The following BMP6 variants were observed in gnomAD, a reference collection of about 807,000 sequenced individuals.
BMP6 encodes the protein bone morphogenetic protein 6, also known as VG-1-R.
In BMP6, 17 loss-of-function variants were observed where a neutral mutation model predicts 54.1. That is an observed-to-expected ratio of 0.31 (90% CI 0.22 to 0.47). The LOEUF (loss-of-function observed/expected upper bound fraction) is 0.47. Ranked by LOEUF, BMP6 falls within the 20% of genes least tolerant of loss-of-function variation. The pLI is 1.00. For missense variants in BMP6, 720 were observed against 690.4 expected, an observed-to-expected ratio of 1.04 and a Z score of -0.48; for synonymous variants, 328 against 291.2, an observed-to-expected ratio of 1.13 and a Z score of -1.28.
chr6:7,824,044 GT>G (rs1356014985), intron 1 of BMP6, among the ~76,000 whole-genome samples: 1 of 152,214 alleles, frequency 6.6e-6, no homozygotes, highest in Non-Finnish European at 1.5e-5. Flanking sequence ...TTAGGTGGCT[GT>G]TGCAGTGGTT....
At chr6:7,729,719 G>A (rs1761817437) in intron 1 of BMP6, among the ~76,000 whole-genome samples, 1 of 152,200 alleles carries the variant, frequency 6.6e-6, no homozygotes, top group Non-Finnish European at 1.5e-5. Flanking sequence ...GTCCCAGTAA[G>A]AGATGAAGAG....
intron 2 of BMP6, among the ~76,000 whole-genome samples, chr6:7,858,208 C>T (rs888252178): frequency 6.6e-5 from 10 of 152,258 alleles, no homozygotes; most frequent in Non-Finnish European, 1.3e-4. Flanking sequence ...CTCAGCTTCC[C>T]GAGTAGTTGG....
chr6:7,872,887 A>T (rs749172820), intron 4 of BMP6, among the ~76,000 whole-genome samples: 1 of 144,850 alleles, frequency 6.9e-6, no homozygotes, highest in Admixed American at 7.2e-5. Flanking sequence ...ATCAGGGCTC[A>T]TTGCAGCTTC....
chr6:7,766,550 C>G (rs1178710917), intron 1 of BMP6, among the ~76,000 whole-genome samples: 1 of 152,044 alleles, frequency 6.6e-6, no homozygotes, highest in African/African-American at 2.4e-5. Flanking sequence ...CCTGGAAGAT[C>G]AAGGCTGCAG....
At chr6:7,788,507 G>A (rs1323204727) in intron 1 of BMP6, among the ~76,000 whole-genome samples, 5 of 152,120 alleles carry the variant, frequency 3.3e-5, no homozygotes, top group Admixed American at 1.3e-4. Flanking sequence ...TTTTTATGCC[G>A]AGAACTAAAG....
At position 7,727,548 on chromosome 6, in the gene BMP6, C is replaced by A. The variant is rs1414204468; in HGVS notation, c.593C>A (p.Ser198Tyr). ...LAPGSGSGGASPLTSAQDSAF... is the reference protein window; with the variant it reads ...LAPGSGSGGAYPLTSAQDSAF... The stretch of plus-strand genomic sequence containing the variant: ...CCCGGATCTGGCAGCGGCGGCGCGT[C>A]CCCACTGACCAGCGCGCAGGACAGC... Residue 198 changes from serine (S) to tyrosine (Y), a missense_variant, in exon 1 of 7, where the codon TCC becomes TAC. This residue lies in a region of BMP6 where 650 missense variants were observed against 556.3 expected (regional missense o/e 1.17). Coordinates refer to ENST00000283147, the MANE Select transcript of BMP6 (RefSeq NM_001718.6). The A allele has an allele frequency of 2.9e-5, 47 of 1,594,412 alleles. No individual in the cohort carries two copies. The highest frequency in any genetic ancestry group is 3.9e-5 in the Non-Finnish European group (46 of 1,177,656).
chr6:7,776,216 C>A (rs1212093694), intron 1 of BMP6, among the ~76,000 whole-genome samples: 3 of 152,232 alleles, frequency 2.0e-5, no homozygotes, highest in Non-Finnish European at 4.4e-5. Context: ...GAGATAGTTG[C>A]CCAAGTTATA....
chr6:7,823,566 C>T (rs1561783319), intron 1 of BMP6, among the ~76,000 whole-genome samples: 1 of 152,192 alleles, frequency 6.6e-6, no homozygotes, highest in South Asian at 2.1e-4. Context: ...TTTTAAAAAG[C>T]AGGCATTTTA....
chr6:7,797,704 C>A (rs1758211255), intron 1 of BMP6, among the ~76,000 whole-genome samples: 1 of 152,182 alleles, frequency 6.6e-6, no homozygotes, highest in East Asian at 1.9e-4. Flanking sequence ...GTAGTAAGTT[C>A]CATGTGCCAG....
chr6:7,813,108 A>AAAAAAAAAATAT (rs1554122651), intron 1 of BMP6, among the ~76,000 whole-genome samples: 4 of 21,494 alleles, frequency 1.9e-4, no homozygotes, highest in East Asian at 2.5e-3. Flanking sequence ...AAAAAAAAAA[A>AAAAAAAAAATAT]ATATATATAT....
rs867983468 is a variant in BMP6, at chr6:7,737,198, G to A, written c.664+9579G>A. On this transcript the variant is annotated intron_variant, in intron 1 of 6. Coordinates refer to ENST00000283147, the MANE Select transcript of BMP6 (RefSeq NM_001718.6). The stretch of plus-strand genomic sequence containing the variant: ...GAGACTCCATCTCAAAAAAAAAAAA[G>A]AGCTTGGGGCCATGGCACTGTCACT... Among the ~76,000 whole-genome samples, 338 of 151,508 alleles carry A rather than the reference G, an allele frequency of 2.2e-3. 2 individuals carry two copies. Among genetic ancestry groups the A allele is most frequent in the African/African-American group, 7.0e-3 (290 of 41,320 alleles).
intron 1 of BMP6, among the ~76,000 whole-genome samples, chr6:7,735,585 G>T (rs1286447108): frequency 1.3e-5 from 2 of 152,108 alleles, no homozygotes; most frequent in Non-Finnish European, 2.9e-5. Flanking sequence ...TTTAGAAAGA[G>T]AGGGTTTTTT....
chr6:7,823,350 T>C (rs1183614912), intron 1 of BMP6, among the ~76,000 whole-genome samples: 1 of 152,222 alleles, frequency 6.6e-6, no homozygotes, highest in African/African-American at 2.4e-5. Flanking sequence ...TGAGTCGTTA[T>C]TACCTCCCTT....
chr6:7,864,787 A>C (rs1759393378), intron 4 of BMP6, among the ~76,000 whole-genome samples: 1 of 152,222 alleles, frequency 6.6e-6, no homozygotes, highest in Non-Finnish European at 1.5e-5. Context: ...CACTAGAAAC[A>C]GTCAGGGTTG....
In BMP6 at chr6:7,880,429, G is replaced by C. The variant is rs1338933287; in HGVS notation, c.*86G>C. ...AAAAAAACACGGAAGCACAGTTGGA[G>C]GTGGGACGATGAGACTTTGAAACTA... On this transcript the variant is annotated 3_prime_UTR_variant, in exon 7 of 7. Transcript: ENST00000283147. 3.2e-6 allele frequency: 5 copies of C among 1,553,390 alleles called. No homozygotes were observed. Among genetic ancestry groups the C allele is most frequent in the Non-Finnish European group, 4.4e-6 (5 of 1,135,666 alleles).
chr6:7,772,963 A>T (rs1757812642), intron 1 of BMP6, among the ~76,000 whole-genome samples: 1 of 152,288 alleles, frequency 6.6e-6, no homozygotes, highest in African/African-American at 2.4e-5. Context: ...AATTGAGTTC[A>T]TTAGGCGTTG....
At chr6:7,770,044 AC>A (rs1344543054) in intron 1 of BMP6, among the ~76,000 whole-genome samples, 1 of 148,954 alleles carries the variant, frequency 6.7e-6, no homozygotes, top group Non-Finnish European at 1.5e-5. Context: ...CTCCAACACC[AC>A]CCCCCTGCAC....
chr6:7,773,599 A>G (rs1757820998), intron 1 of BMP6, among the ~76,000 whole-genome samples: 1 of 152,258 alleles, frequency 6.6e-6, no homozygotes, highest in Non-Finnish European at 1.5e-5. Context: ...TTTCCATTCA[A>G]CGTATTTTCT....
At chr6:7,822,371 G>A (rs1022500035) in intron 1 of BMP6, among the ~76,000 whole-genome samples, 8 of 152,138 alleles carry the variant, frequency 5.3e-5, no homozygotes, top group Non-Finnish European at 1.0e-4. Context: ...CTGCAGAGAC[G>A]GGGTGCATTT....
Sources: allele counts gnomAD v4.1 joint callset (sites outside exome capture counted in the v4.1 genomes callset), GRCh38; gene constraint gnomAD v4.1.1; regional missense constraint gnomAD v4.1.1; transcripts MANE v1.5; gene names NCBI Gene and HGNC (gene_info 2026-07-23, HGNC 2026-07-21).